The following SNTB1 variants were observed in gnomAD, a reference collection of about 807,000 sequenced individuals.
The protein encoded by SNTB1 is syntrophin beta 1, also known as beta-1-syntrophin.
Under a neutral mutation model 48.9 loss-of-function variants are expected in SNTB1, and 36 were observed. The observed-to-expected ratio is 0.74, with a 90% CI of 0.56 to 0.97. SNTB1 has a LOEUF of 0.97. SNTB1 is among the 50% of genes least tolerant of loss of function. The pLI is 0.00. For synonymous variants in SNTB1, 299 were observed against 294.6 expected, an observed-to-expected ratio of 1.01 and a Z score of -0.15; for missense variants, 786 against 703.4, an observed-to-expected ratio of 1.12 and a Z score of -1.33.
chr8:120,755,587 C>T (rs548856015), intron 1 of SNTB1, among the ~76,000 whole-genome samples: 14 of 152,072 alleles, frequency 9.2e-5, no homozygotes, highest in Non-Finnish European at 1.6e-4. Context: ...ACTCATAAGA[C>T]GAGGAACTTC....
intron 5 of SNTB1, among the ~76,000 whole-genome samples, chr8:120,545,732 G>A (rs933725835): frequency 2.0e-5 from 3 of 152,120 alleles, no homozygotes; most frequent in African/African-American, 7.2e-5. Context: ...AGGCCCATGT[G>A]GCTGCTGAAC....
At chr8:120,686,543 A>T (rs1340504243) in intron 2 of SNTB1, among the ~76,000 whole-genome samples, 2 of 151,046 alleles carry the variant, frequency 1.3e-5, no homozygotes, top group Non-Finnish European at 3.0e-5. Flanking sequence ...CAAAGGTCTC[A>T]TCTCTTAACA....
At chr8:120,585,027 T>C (rs1024981602) in intron 3 of SNTB1, among the ~76,000 whole-genome samples, 1 of 152,138 alleles carries the variant, frequency 6.6e-6, no homozygotes, top group Non-Finnish European at 1.5e-5. Flanking sequence ...CTCCTAATTC[T>C]AGCCTCCAGA....
At chr8:120,804,488 C>T (rs1453106167) in intron 1 of SNTB1, among the ~76,000 whole-genome samples, 2 of 152,122 alleles carry the variant, frequency 1.3e-5, no homozygotes, top group East Asian at 3.9e-4. Context: ...CCCACAGTGT[C>T]TTCAGTTTGT....
chr8:120,589,082 G>T (rs1266291455), intron 3 of SNTB1, among the ~76,000 whole-genome samples: 1 of 151,926 alleles, frequency 6.6e-6, no homozygotes, highest in Non-Finnish European at 1.5e-5. Flanking sequence ...CTGATTCACT[G>T]AATCCTGGTA....
rs892152648 is a variant in SNTB1 at position 120,541,810 on chromosome 8, A to G, written c.1524T>C (p.Ile508=). The G allele has an allele frequency of 3.7e-6, 6 of 1,607,024 alleles. No homozygotes were observed. The highest frequency in any genetic ancestry group is 5.1e-6 in the Non-Finnish European group (6 of 1,176,076). Reference sequence around the variant, plus strand: ...ACTGTCTAAAGAAAAGTACACTTACAATCTCTCCATCTTTGCCTCCAAAAT... The same window carrying G: ...ACTGTCTAAAGAAAAGTACACTTACGATCTCTCCATCTTTGCCTCCAAAAT... ...YLDFGGKDGE[I]QLDLHSCPKP... is the part of the protein sequence containing the mutation. Residue 508 remains isoleucine (I), a splice_region_variant and synonymous_variant, in exon 6 of 7, where the codon ATT becomes ATC. Coordinates refer to ENST00000517992, the MANE Select transcript of SNTB1 (RefSeq NM_021021.4).
intron 2 of SNTB1, among the ~76,000 whole-genome samples, chr8:120,688,537 C>T (rs1445955399): frequency 2.0e-5 from 3 of 151,992 alleles, no homozygotes; most frequent in Non-Finnish European, 4.4e-5. Context: ...GACTTAGGAA[C>T]TGAGTAGGCA....
chr8:120,571,160 T>C (rs938550731), intron 4 of SNTB1: 8 of 1,201,996 alleles, frequency 6.7e-6, no homozygotes, highest in Non-Finnish European at 8.5e-6. Context: ...AACAAGGCTA[T>C]GTACGAGGGT....
At chr8:120,779,833 C>G (rs750308127) in intron 1 of SNTB1, among the ~76,000 whole-genome samples, 6 of 152,118 alleles carry the variant, frequency 3.9e-5, no homozygotes, top group Non-Finnish European at 8.8e-5. Context: ...TGAGAAATTT[C>G]TGGGTCGTCC....
intron 4 of SNTB1, among the ~76,000 whole-genome samples, chr8:120,566,886 G>A (rs1815758767): frequency 6.6e-6 from 1 of 152,272 alleles, no homozygotes; most frequent in Non-Finnish European, 1.5e-5. Context: ...ATTGTTAGCT[G>A]GAATAAGAGG....
At chr8:120,577,495 T>A (rs746584933) in intron 3 of SNTB1, among the ~76,000 whole-genome samples, 1 of 152,062 alleles carries the variant, frequency 6.6e-6, no homozygotes, top group South Asian at 2.1e-4. Context: ...GTGTTTGGGG[T>A]AGGGGGAAGG....
rs10095601 is a variant in SNTB1, at chr8:120,673,991, A to G, written c.788+19701T>C. Among the ~76,000 whole-genome samples the G allele has an allele frequency of 6.5e-3, 991 of 152,316 alleles. 9 individuals are homozygous for G. The highest frequency in any genetic ancestry group is 0.022 in the African/African-American group (929 of 41,570). On this transcript the variant is annotated intron_variant, in intron 2 of 6. Transcript: ENST00000517992. ...AAAACAAATATGCTGTACAGTGGCC[A>G]TAGTTGGAGAATATTTTCCCTCATA...
chr8:120,755,798 C>A (rs1017558223), intron 1 of SNTB1, among the ~76,000 whole-genome samples: 1 of 152,084 alleles, frequency 6.6e-6, no homozygotes, highest in Non-Finnish European at 1.5e-5. Flanking sequence ...GTTCTAATAG[C>A]TTTACAGACA....
At chr8:120,802,704 AGT>A (rs1282380840) in intron 1 of SNTB1, among the ~76,000 whole-genome samples, 1 of 152,180 alleles carries the variant, frequency 6.6e-6, no homozygotes, top group Non-Finnish European at 1.5e-5. Context: ...TTGAACTCTA[AGT>A]ATTATTGGGA....
chr8:120,620,307 A>T (rs1816774297), intron 3 of SNTB1, among the ~76,000 whole-genome samples: 1 of 152,242 alleles, frequency 6.6e-6, no homozygotes, highest in South Asian at 2.1e-4. Flanking sequence ...ATTAAGTTGT[A>T]TAAATTATCT....
intron 4 of SNTB1, among the ~76,000 whole-genome samples, chr8:120,564,791 G>A (rs1030605228): frequency 9.2e-5 from 14 of 151,710 alleles, no homozygotes; most frequent in African/African-American, 2.9e-4. Context: ...GGCTGGTCTC[G>A]AACTCCTGAC....
chr8:120,560,285 C>A (rs1815630490), intron 4 of SNTB1, among the ~76,000 whole-genome samples: 1 of 152,164 alleles, frequency 6.6e-6, no homozygotes, highest in Admixed American at 6.5e-5. Flanking sequence ...GAGTTCGAGA[C>A]CAGCCTGGCC....
chr8:120,543,466 C>T (rs571118493), intron 5 of SNTB1, among the ~76,000 whole-genome samples: 14 of 152,250 alleles, frequency 9.2e-5, no homozygotes, highest in South Asian at 2.1e-4. Flanking sequence ...AGCTGGAACA[C>T]GGCCCAATAT....
chr8:120,546,347 C>T (rs1167219177), intron 5 of SNTB1, among the ~76,000 whole-genome samples: 2 of 152,168 alleles, frequency 1.3e-5, no homozygotes, highest in Non-Finnish European at 2.9e-5. Flanking sequence ...TGTATAGTTT[C>T]CTGAGTGATG....
Sources: allele counts gnomAD v4.1 joint callset (sites outside exome capture counted in the v4.1 genomes callset), GRCh38; gene constraint gnomAD v4.1.1; transcripts MANE v1.5; gene names NCBI Gene and HGNC (gene_info 2026-07-23, HGNC 2026-07-21).